Variants in ATP9B observed in about 807,000 individuals in gnomAD.
The protein encoded by ATP9B is ATPase phospholipid transporting 9B.
ATP9B carries 110 observed loss-of-function variants against 146.1 expected under a neutral mutation model. The observed-to-expected ratio is 0.75, with a 90% CI of 0.65 to 0.88. The LOEUF is 0.88. ATP9B is among the 40% of genes least tolerant of loss of function. The probability of loss-of-function intolerance (pLI) is 0.00; values close to 1 mark genes in which losing one functional copy is unlikely to be tolerated. For missense variants in ATP9B, 1,499 were observed against 1,496.4 expected (o/e 1.00, Z -0.03); for synonymous variants, 604 against 569.7 (o/e 1.06, Z -0.86).
chr18:79,299,837 T>C (rs1011283765), intron 13 of ATP9B: 2 of 152,208 alleles, frequency 1.3e-5, no homozygotes. Flanking sequence ...ACACAAATTC[T>C]CAGTGGGAAT....
intron 2 of ATP9B, among the ~76,000 whole-genome samples, chr18:79,104,318 A>C (rs1405282055): frequency 6.6e-6 from 1 of 152,106 alleles, no homozygotes; most frequent in East Asian, 1.9e-4. Flanking sequence ...ATGTTCATAG[A>C]GGAAGTGGGA....
chr18:79,200,439 G>A (rs1315975493), intron 9 of ATP9B, among the ~76,000 whole-genome samples: 1 of 152,212 alleles, frequency 6.6e-6, no homozygotes, highest in Non-Finnish European at 1.5e-5. Flanking sequence ...GAACACTATA[G>A]TGTTGAAGAA....
intron 11 of ATP9B, among the ~76,000 whole-genome samples, chr18:79,222,434 C>G (rs1568436740): frequency 6.6e-6 from 1 of 152,158 alleles, no homozygotes; most frequent in Non-Finnish European, 1.5e-5. Flanking sequence ...TCCCCACACT[C>G]TAGGTGAAGT....
intron 11 of ATP9B, among the ~76,000 whole-genome samples, chr18:79,245,738 C>G (rs2095944770): frequency 6.7e-6 from 1 of 148,790 alleles, no homozygotes; most frequent in African/African-American, 2.5e-5. Context: ...TGGAGGACAC[C>G]GCCCTGCTGA....
At chr18:79,167,805 C>T (rs2094998473) in intron 7 of ATP9B, among the ~76,000 whole-genome samples, 1 of 152,176 alleles carries the variant, frequency 6.6e-6, no homozygotes, top group Non-Finnish European at 1.5e-5. Flanking sequence ...CAGGTTGTTC[C>T]TGGCTTGAAG....
At chr18:79,103,925 T>G (rs2075473651) in intron 2 of ATP9B, among the ~76,000 whole-genome samples, 1 of 152,060 alleles carries the variant, frequency 6.6e-6, no homozygotes, top group Non-Finnish European at 1.5e-5. Flanking sequence ...CTAAGTGCTT[T>G]TCTTCTGTGG....
chr18:79,170,707 C>G (rs2095057253), intron 7 of ATP9B, among the ~76,000 whole-genome samples: 1 of 152,136 alleles, frequency 6.6e-6, no homozygotes, highest in Non-Finnish European at 1.5e-5. Flanking sequence ...GTGAAAGCCC[C>G]CTTCTGGTCC....
At position 79,226,445 on chromosome 18, in the gene ATP9B, G is replaced by T. The variant is rs944674103; in HGVS notation, c.1107+12407G>T. ...GATGTAACAAAATGTGCAGGTAGAT[G>T]TCGCCTCTTCCACTGAAATGTTAGC... On this transcript the variant is annotated intron_variant, in intron 11 of 29. Coordinates refer to ENST00000426216, the MANE Select transcript of ATP9B (RefSeq NM_198531.5). 4.5e-4 allele frequency among the ~76,000 whole-genome samples: 68 copies of T among 152,354 alleles called. 1 individual carries two copies. The highest frequency in any genetic ancestry group is 1.6e-3 in the African/African-American group (67 of 41,578).
intron 6 of ATP9B, among the ~76,000 whole-genome samples, chr18:79,150,543 T>C (rs745403081): frequency 1.3e-5 from 2 of 152,176 alleles, no homozygotes; most frequent in African/African-American, 2.4e-5. Flanking sequence ...AACACAGGGC[T>C]CCTTGCTCTT....
intron 5 of ATP9B, 77 bp from the exon 6 acceptor site, chr18:79,143,725 A>T: frequency 1.1e-6 from 1 of 909,004 alleles, no homozygotes; most frequent in Non-Finnish European, 1.6e-6. Flanking sequence ...TTTCTAAAGT[A>T]ATTATTTTTT....
At chr18:79,103,405 T>C (rs1386527395) in intron 2 of ATP9B, among the ~76,000 whole-genome samples, 1 of 152,062 alleles carries the variant, frequency 6.6e-6, no homozygotes, top group African/African-American at 2.4e-5. Context: ...GTCCTTATCA[T>C]TGTGGTGATC....
At chr18:79,133,422 C>T (rs7229319) in intron 5 of ATP9B, among the ~76,000 whole-genome samples, 37,930 of 151,842 alleles carry the variant, frequency 0.25, 5,062 homozygotes, top group East Asian at 0.5. Context: ...TTCATGAACA[C>T]CTTCCATTTT....
intron 11 of ATP9B, among the ~76,000 whole-genome samples, chr18:79,242,272 G>A (rs2095896862): frequency 6.6e-6 from 1 of 152,204 alleles, no homozygotes; most frequent in Non-Finnish European, 1.5e-5. Flanking sequence ...ATAAGCCATA[G>A]TCAGGGCACT....
At position 79,143,856 on chromosome 18, in the gene ATP9B, A is replaced by T; in HGVS notation, c.722A>T (p.Glu241Val). Residue 241 changes from glutamate to valine, a missense_variant, in exon 6 of 30, where the codon GAA (glutamate) becomes GTA (valine). By Grantham distance (121) the Glu-to-Val change is moderately radical. Coordinates refer to ENST00000426216, the MANE Select transcript of ATP9B (RefSeq NM_198531.5). ...CAAGTTGGAGACCTCATCATAGTGG[A>T]AAAGGTTGATGATTTTTTAATATAT... is the stretch of plus-strand genomic sequence containing the variant. ...DIQVGDLIIVEKNQRIPSDMV... is the reference protein window; with the variant it reads ...DIQVGDLIIVVKNQRIPSDMV... 6.4e-7 allele frequency: 1 copy of T among 1,568,254 alleles called. No individual in the cohort carries two copies. Among genetic ancestry groups the T allele is most frequent in the South Asian group, 1.2e-5 (1 of 83,354 alleles).
chr18:79,186,949 C>G (rs1291444113), intron 8 of ATP9B, among the ~76,000 whole-genome samples: 1 of 152,188 alleles, frequency 6.6e-6, no homozygotes, highest in Non-Finnish European at 1.5e-5. Context: ...CCTGTGTGTT[C>G]TCTGCTGACA....
At chr18:79,079,236 C>T (rs1044635324) in intron 1 of ATP9B, among the ~76,000 whole-genome samples, 1 of 152,184 alleles carries the variant, frequency 6.6e-6, no homozygotes, top group Non-Finnish European at 1.5e-5. Context: ...GGAATTGCTA[C>T]ACTGTCTTCC....
At chr18:79,373,856 A>C in intron 27 of ATP9B, 42 bp from the exon 28 acceptor site, 2 of 1,606,206 alleles carry the variant, frequency 1.2e-6, no homozygotes, top group Non-Finnish European at 1.7e-6. Flanking sequence ...GCTGGCTTAC[A>C]CCCTGCTCGT....
chr18:79,124,026 T>C (rs2094237096), intron 4 of ATP9B, among the ~76,000 whole-genome samples: 1 of 152,172 alleles, frequency 6.6e-6, no homozygotes, highest in Admixed American at 6.5e-5. Context: ...TTGGTGAGGA[T>C]GTGGAGACAT....
At chr18:79,079,343 T>C (rs1488158635) in intron 1 of ATP9B, among the ~76,000 whole-genome samples, 1 of 152,240 alleles carries the variant, frequency 6.6e-6, no homozygotes, top group Non-Finnish European at 1.5e-5. Flanking sequence ...GACTTTTTAG[T>C]GATTACCATT....
Sources: gnomAD v4.1 joint callset for allele counts (sites outside exome capture counted in the v4.1 genomes callset) on GRCh38, gnomAD v4.1.1 for gene constraint, MANE v1.5 for transcripts, NCBI Gene and HGNC (gene_info 2026-07-23, HGNC 2026-07-21) for gene names.